Variants in ADA2 observed in about 807,000 individuals in gnomAD.
The protein encoded by ADA2 is adenosine deaminase CECR1.
In ADA2, 29 loss-of-function variants were observed where a neutral mutation model predicts 44.2. The observed-to-expected ratio is 0.66, with a 90% CI of 0.49 to 0.89. The LOEUF (loss-of-function observed/expected upper bound fraction) is 0.89, where lower values mean the gene tolerates loss of function less well. Ranked by LOEUF, ADA2 falls within the 40% of genes least tolerant of loss-of-function variation. The probability of loss-of-function intolerance (pLI) is 0.00; values close to 1 mark genes in which losing one functional copy is unlikely to be tolerated. For synonymous variants in ADA2, 215 were observed against 234.9 expected, an observed-to-expected ratio of 0.92 and a Z score of 0.77; for missense variants, 637 against 644.8, an observed-to-expected ratio of 0.99 and a Z score of 0.13.
rs1450789280 is a variant in ADA2 at position 17,178,796 on chromosome 22, C to T, written c.*2687G>A. ...CTGGACACAAAGCACAAAGGCAAGACTATTGCTGGTTCATTTTGCCAAATC... is the reference window on the plus strand; with the variant it reads ...CTGGACACAAAGCACAAAGGCAAGATTATTGCTGGTTCATTTTGCCAAATC... On this transcript the variant is annotated 3_prime_UTR_variant, in exon 10 of 10. Coordinates refer to ENST00000399837, the MANE Select transcript of ADA2 (RefSeq NM_001282225.2). The T allele has an allele frequency of 6.8e-6, 1 of 147,544 alleles. No individual in the cohort carries two copies. The highest frequency in any genetic ancestry group is 6.8e-5 in the Admixed American group (1 of 14,760). 9.1% of individuals were successfully genotyped at this position (147,544 alleles called of 1,614,324 possible).
At position 17,209,687 on chromosome 22, in the gene ADA2, T is replaced by C. The variant is rs2062397688; in HGVS notation, c.-10A>G. ...GGCCATCCACCAACATCGGGATGCC[T>C]GGACTAGGAAAGGGCTCAGATGGAG... On this transcript the variant is annotated 5_prime_UTR_variant, in exon 2 of 10. Transcript: ENST00000399837. The C allele has an allele frequency of 8.1e-6, 13 of 1,607,926 alleles. No individual in the cohort carries two copies. The highest frequency in any genetic ancestry group is 1.1e-5 in the Non-Finnish European group (13 of 1,177,894).
chr22:17,194,039 A>G (rs1166055940), intron 4 of ADA2, among the ~76,000 whole-genome samples: 1 of 151,804 alleles, frequency 6.6e-6, no homozygotes, highest in Non-Finnish European at 1.5e-5. Context: ...AAAAAAAGAA[A>G]CAATAGAATA....
chr22:17,215,892 A>G (rs757734022), intron 1 of ADA2, among the ~76,000 whole-genome samples: 8 of 151,902 alleles, frequency 5.3e-5, no homozygotes, highest in Non-Finnish European at 1.0e-4. Flanking sequence ...TTGAGCCTAG[A>G]AGTTGAAGAC....
At chr22:17,207,340 A>AAGCCCT in intron 2 of ADA2, 50 bp from the exon 3 acceptor site, 1 of 1,365,798 alleles carries the variant, frequency 7.3e-7, no homozygotes, top group African/African-American at 1.4e-5. Flanking sequence ...GTCCCATCCC[A>AAGCCCT]GGACTCCAGG....
upstream of ADA2, chr22:17,219,447 T>G (rs2062503955): frequency 6.6e-6 from 1 of 152,226 alleles, no homozygotes; most frequent in Admixed American, 6.6e-5. Context: ...TTTCACTTCC[T>G]GTTGGGGTAG....
At chr22:17,187,678 AAAAAG>A (rs1568971009) in intron 7 of ADA2, among the ~76,000 whole-genome samples, 9 of 150,522 alleles carry the variant, frequency 6.0e-5, no homozygotes, top group South Asian at 2.1e-4. Flanking sequence ...AAAAAAAAAA[AAAAAG>A]AAGAAGAAGA....
chr22:17,186,392 G>C (rs1601427432), intron 7 of ADA2, among the ~76,000 whole-genome samples: 1 of 144,326 alleles, frequency 6.9e-6, no homozygotes, highest in African/African-American at 2.6e-5. Context: ...ACCAGCCTGG[G>C]CCAACATGGT....
At chr22:17,201,967 C>CTTTTTTTTTTTTTT (rs71200247) in intron 4 of ADA2, among the ~76,000 whole-genome samples, 2 of 103,122 alleles carry the variant, frequency 1.9e-5, no homozygotes, top group African/African-American at 3.8e-5. Context: ...TTTCTTTTTT[C>CTTTTTTTTTTTTTT]TTTTTTTTTT....
Position 17,182,766 on chromosome 22 carries a change from A to G in ADA2, c.1082-5T>C. 2 of 1,612,666 alleles carry G rather than the reference A, an allele frequency of 1.2e-6. No homozygotes were observed. The highest frequency in any genetic ancestry group is 8.5e-7 in the Non-Finnish European group (1 of 1,179,772). Reference sequence around the variant, plus strand: ...CTATGGAAGTACCCTGCCAGTCTGAACACACGGGAATGGTCTTCCATGGGG... The same window carrying G: ...CTATGGAAGTACCCTGCCAGTCTGAGCACACGGGAATGGTCTTCCATGGGG... On this transcript the variant is annotated splice_region_variant and splice_polypyrimidine_tract_variant and intron_variant, in intron 7 of 9. Transcript: ENST00000399837.
At chr22:17,202,847 G>A (rs533375352) in intron 4 of ADA2, among the ~76,000 whole-genome samples, 1 of 150,840 alleles carries the variant, frequency 6.6e-6, no homozygotes, top group African/African-American at 2.4e-5. Context: ...GCAGTGGTGC[G>A]ATCTTGGCTC....
At chr22:17,187,948 C>T (rs1249322938) in intron 7 of ADA2, among the ~76,000 whole-genome samples, 1 of 151,296 alleles carries the variant, frequency 6.6e-6, no homozygotes, top group South Asian at 2.1e-4. Context: ...ACTAAAAATA[C>T]AAAAAATTAG....
At position 17,188,365 on chromosome 22, in the gene ADA2, G is replaced by C. The variant is rs1483559844; in HGVS notation, c.1055C>G (p.Pro352Arg). The part of the protein sequence containing the change: ...MIPAKDGVKL[P>R]YFFHAGETDW... ...TGTTTCTCCGGCGTGGAAGAAGTAA[G>C]GCAGCTTAACGCCATCCTTGGCGGG... Residue 352 changes from proline to arginine, a missense_variant, in exon 7 of 10, where the codon CCT (proline) becomes CGT (arginine). Coordinates refer to ENST00000399837, the MANE Select transcript of ADA2 (RefSeq NM_001282225.2). 2.5e-6 allele frequency: 4 copies of C among 1,614,044 alleles called. No homozygotes were observed. Among genetic ancestry groups the C allele is most frequent in the Non-Finnish European group, 3.4e-6 (4 of 1,179,930 alleles).
Position 17,199,659 on chromosome 22 carries a change from C to T in ADA2, c.753+3904G>A. 1.9e-6 allele frequency: 3 copies of T among 1,611,222 alleles called. No individual in the cohort carries two copies. In the South Asian group the frequency reaches 3.3e-5, roughly 18 times the overall value. ...AGGTGGGCGTGGCTATTAGGACGCT[C>T]AGAGAGCCCAGCGCGGTGAGGAAAG... On this transcript the variant is annotated intron_variant, in intron 4 of 9. Transcript: ENST00000399837.
intron 3 of ADA2, among the ~76,000 whole-genome samples, chr22:17,206,086 T>C (rs1309838011): frequency 2.6e-5 from 4 of 152,214 alleles, no homozygotes; most frequent in South Asian, 4.1e-4. Context: ...TCCAGCTAGA[T>C]TGTCATCACT....
chr22:17,196,096 C>G (rs1235724139), intron 4 of ADA2, among the ~76,000 whole-genome samples: 1 of 151,860 alleles, frequency 6.6e-6, no homozygotes, highest in Non-Finnish European at 1.5e-5. Flanking sequence ...CCTGTAATCC[C>G]AGCACTTTGG....
At chr22:17,203,892 A>G (rs965159558) in intron 3 of ADA2, 119 bp from the exon 4 acceptor site, 2 of 684,000 alleles carry the variant, frequency 2.9e-6, no homozygotes, top group Non-Finnish European at 5.3e-6. Context: ...GATTCACCCT[A>G]GAGTGGAGAT....
At chr22:17,196,155 A>G (rs2062188230) in intron 4 of ADA2, among the ~76,000 whole-genome samples, 1 of 151,870 alleles carries the variant, frequency 6.6e-6, no homozygotes, top group South Asian at 2.1e-4. Context: ...AGCCTGGCCA[A>G]CATGGTGAAA....
chr22:17,221,466 T>G (rs189905916), upstream of ADA2, among the ~76,000 whole-genome samples: 47 of 146,588 alleles, frequency 3.2e-4, no homozygotes, highest in African/African-American at 1.1e-3. Context: ...GGCCCTGGTG[T>G]GTGATGTTCC....
chr22:17,217,027 A>G (rs967825064), intron 1 of ADA2, among the ~76,000 whole-genome samples: 9 of 152,074 alleles, frequency 5.9e-5, no homozygotes, highest in Admixed American at 5.9e-4. Flanking sequence ...TGTGTAAAAC[A>G]GGAACAGGAG....
Sources: gnomAD v4.1 joint callset for allele counts (sites outside exome capture counted in the v4.1 genomes callset) on GRCh38, gnomAD v4.1.1 for gene constraint, MANE v1.5 for transcripts, NCBI Gene and HGNC (gene_info 2026-07-23, HGNC 2026-07-21) for gene names.